PPM1H: variants seen among roughly 807,000 people sequenced by gnomAD.
PPM1H encodes the protein protein phosphatase 1H.
A neutral mutation model predicts 54.9 loss-of-function variants in PPM1H; 27 were observed. The observed-to-expected ratio is 0.49, with a 90% CI of 0.36 to 0.68. The LOEUF (loss-of-function observed/expected upper bound fraction) is 0.68, where lower values mean the gene tolerates loss of function less well. Among genes scored for constraint, PPM1H ranks in the 30% least tolerant of loss-of-function variants. The probability of loss-of-function intolerance (pLI) is 0.00; values close to 1 mark genes in which losing one functional copy is unlikely to be tolerated. For synonymous variants in PPM1H, 305 were observed against 270.8 expected (o/e 1.13, Z -1.24); for missense variants, 596 against 667.8 (o/e 0.89, Z 1.19).
At chr12:62,719,186 T>C (rs2076250915) in intron 6 of PPM1H, among the ~76,000 whole-genome samples, 1 of 152,176 alleles carries the variant, frequency 6.6e-6, no homozygotes, top group Non-Finnish European at 1.5e-5. Flanking sequence ...ACTTGTTCCC[T>C]GAAGACAGTA....
At chr12:62,736,795 A>G (rs1176649054) in intron 5 of PPM1H, among the ~76,000 whole-genome samples, 1 of 152,188 alleles carries the variant, frequency 6.6e-6, no homozygotes, top group African/African-American at 2.4e-5. Flanking sequence ...GTTAGTTCCT[A>G]GAGGTATCTG....
intron 1 of PPM1H, among the ~76,000 whole-genome samples, chr12:62,858,974 A>C (rs563107737): frequency 2.0e-5 from 3 of 152,340 alleles, no homozygotes; most frequent in East Asian, 3.9e-4. Flanking sequence ...GTCACACATT[A>C]ATTTCTCATT....
Position 62,842,598 on chromosome 12 carries a change from C to T in PPM1H, c.246-10319G>A, listed in dbSNP as rs58144383. Among the ~76,000 whole-genome samples the T allele has an allele frequency of 4.6e-5, 7 of 152,276 alleles. No individual in the cohort carries two copies. The East Asian group carries it at 7.7e-4, about 17-fold the overall frequency. On this transcript the variant is annotated intron_variant, in intron 1 of 9. Transcript: ENST00000228705. ...TAAAGAAAATATTGGACTATCTAGG[C>T]CTCTGGTATTTTTCTTTAAACCTTA...
intron 6 of PPM1H, among the ~76,000 whole-genome samples, chr12:62,703,741 T>TTGACTCCCCTCTCCCC (rs2076157139): frequency 6.6e-6 from 1 of 152,146 alleles, no homozygotes; most frequent in African/African-American, 2.4e-5. Flanking sequence ...AGGCTCTCCC[T>TTGACTCCCCTCTCCCC]TGACTCCCCT....
At chr12:62,718,845 T>C (rs1364666258) in intron 6 of PPM1H, among the ~76,000 whole-genome samples, 4 of 152,166 alleles carry the variant, frequency 2.6e-5, no homozygotes, top group South Asian at 4.1e-4. Flanking sequence ...ACTCCAGAAC[T>C]CAGAGCTGCA....
intron 5 of PPM1H, among the ~76,000 whole-genome samples, chr12:62,725,158 T>C (rs893969046): frequency 1.3e-5 from 2 of 152,200 alleles, no homozygotes; most frequent in African/African-American, 4.8e-5. Flanking sequence ...CTCAAACTCC[T>C]CCGCACAATT....
intron 1 of PPM1H, among the ~76,000 whole-genome samples, chr12:62,884,515 A>AAAAAAAAAAAG (rs1555203634): frequency 6.8e-6 from 1 of 146,410 alleles, no homozygotes; most frequent in African/African-American, 2.7e-5. Flanking sequence ...AAAAAAAAAA[A>AAAAAAAAAAAG]AAAGAAAGAA....
Position 62,648,466 on chromosome 12 carries a change from C to A in PPM1H, c.*23G>T. On this transcript the variant is annotated 3_prime_UTR_variant, in exon 10 of 10. Transcript: ENST00000228705. ...GCATCCCAGCTTTCTTCCCCTCTGT[C>A]CTCCCAATCCCCTGGGCCATTTTCA... 1 of 1,612,844 alleles carries A rather than the reference C, an allele frequency of 6.2e-7. No homozygotes were observed. Among genetic ancestry groups the A allele is most frequent in the Non-Finnish European group, 8.5e-7 (1 of 1,179,064 alleles).
chr12:62,854,596 C>T lies in PPM1H; in HGVS notation c.246-22317G>A, dbSNP rs558030253. Among the ~76,000 whole-genome samples the T allele has an allele frequency of 2.0e-5, 3 of 152,208 alleles. No homozygotes were observed. The East Asian group carries it at 5.8e-4, about 29-fold the overall frequency. On this transcript the variant is annotated intron_variant, in intron 1 of 9. Coordinates refer to ENST00000228705, the MANE Select transcript of PPM1H (RefSeq NM_020700.2). Reference sequence around the variant, plus strand: ...AAGATCAAATGAGTTTTATAACAACCTGTGAAAGCCTGGCATACTGTAGGG... The same window carrying T: ...AAGATCAAATGAGTTTTATAACAACTTGTGAAAGCCTGGCATACTGTAGGG...
Position 62,732,373 on chromosome 12 carries a change from C to T in PPM1H, c.954+5129G>A, listed in dbSNP as rs755685153. Reference sequence around the variant, plus strand: ...AATCTGCTTCCAGTTCCATAATCCCCGAATGTCCAGACTGTGCATACCAAG... The same window carrying T: ...AATCTGCTTCCAGTTCCATAATCCCTGAATGTCCAGACTGTGCATACCAAG... On this transcript the variant is annotated intron_variant, in intron 5 of 9. Transcript: ENST00000228705. Among the ~76,000 whole-genome samples, 8 of 152,148 alleles carry T rather than the reference C, an allele frequency of 5.3e-5. 1 individual carries two copies. The highest frequency in any genetic ancestry group is 2.0e-4 in the Admixed American group (3 of 15,278).
intron 1 of PPM1H, among the ~76,000 whole-genome samples, chr12:62,932,745 C>T (rs1872186170): frequency 6.7e-6 from 1 of 148,882 alleles, no homozygotes; most frequent in African/African-American, 2.5e-5. Context: ...AGCGATTCTC[C>T]CGCCTCAGCC....
chr12:62,890,756 AT>A, intron 1 of PPM1H, among the ~76,000 whole-genome samples: 1 of 148,042 alleles, frequency 6.8e-6, no homozygotes, highest in East Asian at 2.0e-4. Context: ...ACACACACAC[AT>A]ATATATATAT....
At chr12:62,843,612 A>T (rs1592630709) in intron 1 of PPM1H, among the ~76,000 whole-genome samples, 1 of 152,224 alleles carries the variant, frequency 6.6e-6, no homozygotes, top group Admixed American at 6.5e-5. Flanking sequence ...GAATTGTGAC[A>T]CTTCACATGG....
intron 8 of PPM1H, among the ~76,000 whole-genome samples, chr12:62,673,461 T>C (rs544754728): frequency 1.3e-5 from 2 of 152,284 alleles, no homozygotes; most frequent in Admixed American, 6.5e-5. Context: ...AAGCTACTTT[T>C]AAAAAGAATC....
At chr12:62,927,743 G>A (rs922983369) in intron 1 of PPM1H, among the ~76,000 whole-genome samples, 7 of 151,658 alleles carry the variant, frequency 4.6e-5, no homozygotes, top group South Asian at 2.1e-4. Flanking sequence ...TTAAGTGAAG[G>A]AGACATGTTA....
At chr12:62,715,993 T>C (rs768469341) in intron 6 of PPM1H, among the ~76,000 whole-genome samples, 2 of 152,168 alleles carry the variant, frequency 1.3e-5, no homozygotes, top group African/African-American at 2.4e-5. Flanking sequence ...TGAATGATCA[T>C]GTCTAATTAT....
chr12:62,918,645 CA>C (rs1425805886), intron 1 of PPM1H, among the ~76,000 whole-genome samples: 1 of 152,032 alleles, frequency 6.6e-6, no homozygotes, highest in Non-Finnish European at 1.5e-5. Context: ...TATAGCTTAG[CA>C]AAGATTTACC....
chr12:62,855,681 T>A (rs1459802084), intron 1 of PPM1H, among the ~76,000 whole-genome samples: 1 of 152,200 alleles, frequency 6.6e-6, no homozygotes, highest in Non-Finnish European at 1.5e-5. Context: ...AAAGCACCCA[T>A]GTTATTCCAG....
intron 2 of PPM1H, among the ~76,000 whole-genome samples, chr12:62,805,203 A>C (rs1319899846): frequency 6.6e-6 from 1 of 152,214 alleles, no homozygotes; most frequent in African/African-American, 2.4e-5. Context: ...ATTATCAAAA[A>C]AACGAGACAA....
Sources: gnomAD v4.1 joint callset for allele counts (sites outside exome capture counted in the v4.1 genomes callset) on GRCh38, gnomAD v4.1.1 for gene constraint, MANE v1.5 for transcripts, NCBI Gene and HGNC (gene_info 2026-07-23, HGNC 2026-07-21) for gene names.